Variants in FAM193A observed in about 807,000 individuals in gnomAD.
The protein encoded by FAM193A is family with sequence similarity 193 member A, also known as protein FAM193A.
FAM193A carries 22 observed loss-of-function variants against 126.5 expected under a neutral mutation model. The observed-to-expected ratio is 0.17, with a 90% CI of 0.12 to 0.25. The LOEUF is 0.25. Among genes scored for constraint, FAM193A ranks in the 10% least tolerant of loss-of-function variants. The pLI is 1.00. For synonymous variants in FAM193A, 761 were observed against 646.8 expected, an observed-to-expected ratio of 1.18 and a Z score of -2.68; for missense variants, 1,675 against 1,672.8, an observed-to-expected ratio of 1.00 and a Z score of -0.02.
chr4:2,669,570 T>C (rs1444916483), intron 12 of FAM193A, among the ~76,000 whole-genome samples: 1 of 152,176 alleles, frequency 6.6e-6, no homozygotes, highest in African/African-American at 2.4e-5. Context: ...GATCGCGCCA[T>C]TGCGCTCCAG....
chr4:2,722,805 C>G (rs1386560214), intron 20 of FAM193A, among the ~76,000 whole-genome samples: 1 of 152,172 alleles, frequency 6.6e-6, no homozygotes, highest in African/African-American at 2.4e-5. Flanking sequence ...TAACCATTTT[C>G]AGGTTTCATT....
intron 13 of FAM193A, among the ~76,000 whole-genome samples, chr4:2,683,656 G>C (rs760498776): frequency 6.7e-4 from 102 of 152,136 alleles, no homozygotes; most frequent in African/African-American, 1.2e-3. Context: ...TGTAGCTTTG[G>C]GGGTATTTAT....
chr4:2,720,024 G>T, intron 20 of FAM193A: 1 of 211,178 alleles, frequency 4.7e-6, no homozygotes, highest in South Asian at 4.8e-5. Context: ...CGAACTCCTG[G>T]CCTCAAGTGA....
At chr4:2,639,900 GCA>G (rs1560509081) in intron 6 of FAM193A, 41 bp downstream of exon 6, 12 of 1,590,040 alleles carry the variant, frequency 7.5e-6, no homozygotes, top group Admixed American at 6.9e-5. Flanking sequence ...TGGTGTGACA[GCA>G]CAGTCTTTTC....
At chr4:2,726,052 C>A (rs1720713364) in intron 20 of FAM193A, among the ~76,000 whole-genome samples, 1 of 152,276 alleles carries the variant, frequency 6.6e-6, no homozygotes, top group South Asian at 2.1e-4. Context: ...GCGCCCGCCA[C>A]CACGCCTGGC....
chr4:2,599,311 G>T (rs1741056892), intron 2 of FAM193A, among the ~76,000 whole-genome samples: 1 of 152,142 alleles, frequency 6.6e-6, no homozygotes, highest in East Asian at 1.9e-4. Context: ...CCCTGGAGGG[G>T]CTGCTGCACT....
At chr4:2,645,596 G>A (rs1330777050) in intron 6 of FAM193A, among the ~76,000 whole-genome samples, 2 of 151,422 alleles carry the variant, frequency 1.3e-5, no homozygotes, top group Non-Finnish European at 1.5e-5. Flanking sequence ...GCGCGATCTC[G>A]GCTCACCCCA....
chr4:2,647,641 C>G (rs1028270533), intron 7 of FAM193A, among the ~76,000 whole-genome samples: 1 of 152,206 alleles, frequency 6.6e-6, no homozygotes, highest in Non-Finnish European at 1.5e-5. Context: ...GCAGCCCAAG[C>G]CTGTCAGACA....
At position 2,717,668 on chromosome 4, in the gene FAM193A, C is replaced by A. The variant is rs567352048; in HGVS notation, c.4454+1564C>A. Among the ~76,000 whole-genome samples the A allele has an allele frequency of 2.0e-5, 3 of 149,944 alleles. No individual in the cohort carries two copies. In the South Asian group the frequency reaches 6.3e-4, roughly 32 times the overall value. On this transcript the variant is annotated intron_variant, in intron 20 of 20. Transcript: ENST00000637812. ...ACTCAGGAGGCTGAGGCCAGAGGAT[C>A]ACTTGAACCTAGGAGTTTGAGGTTG... is the stretch of plus-strand genomic sequence containing the variant.
Position 2,630,745 on chromosome 4 carries a change from A to C in FAM193A, c.804-190A>C, listed in dbSNP as rs564242267. Among the ~76,000 whole-genome samples, 48 of 152,274 alleles carry C rather than the reference A, an allele frequency of 3.2e-4. No individual in the cohort carries two copies. In the South Asian group the frequency reaches 9.3e-3, roughly 30 times the overall value. ...ATGTCACTTGCTGTTCCCTAGTGAC[A>C]CTCTGTGCCCCGGATTCCCCATCCA... is the stretch of plus-strand genomic sequence containing the variant. On this transcript the variant is annotated intron_variant, in intron 4 of 20. Transcript: ENST00000637812.
At chr4:2,626,717 A>G in intron 4 of FAM193A, 140 bp downstream of exon 4, 2 of 574,518 alleles carry the variant, frequency 3.5e-6, no homozygotes, top group Non-Finnish European at 3.2e-6. Flanking sequence ...TCAAGACTGC[A>G]GCAGATGAAC....
At chr4:2,664,558 CTTTTTTTTTTT>C (rs33958851) in intron 12 of FAM193A, among the ~76,000 whole-genome samples, 11 of 73,096 alleles carry the variant, frequency 1.5e-4, no homozygotes, top group South Asian at 5.6e-4. Flanking sequence ...TATTTTCTTT[CTTTTTTTTTTT>C]TTTTTTTTTT....
At chr4:2,575,039 C>T (rs960418986) in intron 1 of FAM193A, among the ~76,000 whole-genome samples, 21 of 152,220 alleles carry the variant, frequency 1.4e-4, no homozygotes, top group African/African-American at 5.1e-4. Flanking sequence ...CAAATGCGTG[C>T]CATGCTCCTC....
chr4:2,650,765 T>C (rs3755887), intron 7 of FAM193A, among the ~76,000 whole-genome samples: 119,410 of 152,120 alleles, frequency 0.78, 46,960 homozygotes, highest in Middle Eastern at 0.86. Context: ...CATAGGACCC[T>C]GCCTACCTTT....
chr4:2,675,490 T>C (rs1714295149), intron 13 of FAM193A, among the ~76,000 whole-genome samples: 1 of 152,210 alleles, frequency 6.6e-6, no homozygotes, highest in Non-Finnish European at 1.5e-5. Context: ...CCTTTTTCAT[T>C]ATGTAATGCT....
At chr4:2,627,720 G>A (rs1743116980) in intron 4 of FAM193A, among the ~76,000 whole-genome samples, 2 of 151,456 alleles carry the variant, frequency 1.3e-5, no homozygotes, top group South Asian at 4.2e-4. Context: ...TGGGATTACA[G>A]GCGCCTGCCA....
intron 20 of FAM193A, among the ~76,000 whole-genome samples, chr4:2,722,911 C>T (rs1269375928): frequency 5.9e-5 from 9 of 152,158 alleles, no homozygotes; most frequent in Non-Finnish European, 1.2e-4. Context: ...GATTCTCAAA[C>T]CTTCCAGAGT....
chr4:2,605,392 A>T (rs780994588), intron 2 of FAM193A, among the ~76,000 whole-genome samples: 14 of 152,228 alleles, frequency 9.2e-5, no homozygotes, highest in Non-Finnish European at 1.9e-4. Flanking sequence ...ACAGAAATGT[A>T]ATCGTACTGT....
At chr4:2,563,160 G>A (rs866626547) in intron 1 of FAM193A, among the ~76,000 whole-genome samples, 1 of 151,472 alleles carries the variant, frequency 6.6e-6, no homozygotes, top group African/African-American at 2.4e-5. Flanking sequence ...GGCCAGGCTG[G>A]TCTTGAACTC....
Sources: gnomAD v4.1 joint callset for allele counts (sites outside exome capture counted in the v4.1 genomes callset) on GRCh38, gnomAD v4.1.1 for gene constraint, MANE v1.5 for transcripts, NCBI Gene and HGNC (gene_info 2026-07-23, HGNC 2026-07-21) for gene names.